EYA4: variants seen among roughly 807,000 people sequenced by gnomAD.
EYA4 encodes the protein EYA transcriptional coactivator and phosphatase 4.
EYA4 carries 31 observed loss-of-function variants against 87.9 expected under a neutral mutation model. The observed-to-expected ratio is 0.35, with a 90% CI of 0.27 to 0.48. The LOEUF (loss-of-function observed/expected upper bound fraction) is 0.48. Among genes scored for constraint, EYA4 ranks in the 20% least tolerant of loss-of-function variants. EYA4 has a pLI of 0.99. For synonymous variants in EYA4, 263 were observed against 270.6 expected (o/e 0.97, Z 0.28); for missense variants, 678 against 761.4 (o/e 0.89, Z 1.29).
At position 133,464,888 on chromosome 6, in the gene EYA4, T is replaced by TA. The variant is rs765346185; in HGVS notation, c.804+31dup. 8 of 1,473,242 alleles carry TA rather than the reference T, an allele frequency of 5.4e-6. No individual in the cohort carries two copies. In the Admixed American group the frequency reaches 1.2e-4, roughly 22 times the overall value. 91.3% of individuals were successfully genotyped at this position (1,473,242 alleles called of 1,614,324 possible). A position where few individuals can be genotyped will look rare whatever the true frequency, so the allele number is the denominator to read the frequency against. On this transcript the variant is annotated intron_variant, in intron 10 of 19. Coordinates refer to ENST00000355286, the MANE Select transcript of EYA4 (RefSeq NM_004100.5). ...AGTAGCTTTTTGTGTTTATGCTTTT[T>TA]ATATGTATTTCAGATTTTTGAAGAG...
At chr6:133,390,656 T>C (rs1401314781) in intron 3 of EYA4, among the ~76,000 whole-genome samples, 1 of 152,220 alleles carries the variant, frequency 6.6e-6, no homozygotes, top group Non-Finnish European at 1.5e-5. Flanking sequence ...ATATACCAGT[T>C]ACATAGGTAA....
At chr6:133,305,364 G>A (rs1005579122) in intron 2 of EYA4, among the ~76,000 whole-genome samples, 1 of 152,164 alleles carries the variant, frequency 6.6e-6, no homozygotes, top group African/African-American at 2.4e-5. Flanking sequence ...AGCCTAGCTA[G>A]GGCAAGGGCA....
At chr6:133,522,958 A>G in intron 17 of EYA4, 98 bp from the exon 18 acceptor site, 1 of 1,029,468 alleles carries the variant, frequency 9.7e-7, no homozygotes, top group Non-Finnish European at 1.5e-6. Context: ...GAAAGGGACC[A>G]TTAATTAAGG....
intron 2 of EYA4, among the ~76,000 whole-genome samples, chr6:133,356,082 A>G (rs1290208130): frequency 6.7e-6 from 1 of 149,900 alleles, no homozygotes; most frequent in Non-Finnish European, 1.5e-5. Flanking sequence ...AGAGAGAGAA[A>G]AGAGTGTGCT....
intron 2 of EYA4, among the ~76,000 whole-genome samples, chr6:133,278,526 C>A (rs1453987931): frequency 1.3e-5 from 2 of 152,056 alleles, no homozygotes; most frequent in African/African-American, 4.8e-5. Context: ...TCTTCAAAAG[C>A]CTTTATATAC....
intron 2 of EYA4, among the ~76,000 whole-genome samples, chr6:133,283,723 G>C (rs141075829): frequency 2.1e-3 from 315 of 152,160 alleles, no homozygotes; most frequent in African/African-American, 7.2e-3. Flanking sequence ...GTTTTGTTAC[G>C]TGGATATATT....
chr6:133,451,201 A>T (rs1005208993), intron 5 of EYA4, among the ~76,000 whole-genome samples: 2 of 152,206 alleles, frequency 1.3e-5, no homozygotes, highest in African/African-American at 2.4e-5. Context: ...ATGAACACTG[A>T]AATTTGAATT....
chr6:133,415,400 T>C (rs1255931946), intron 3 of EYA4, among the ~76,000 whole-genome samples: 1 of 152,172 alleles, frequency 6.6e-6, no homozygotes, highest in Non-Finnish European at 1.5e-5. Flanking sequence ...TATCTTTGGC[T>C]CCACTTCCTC....
At chr6:133,297,406 TCTTCTTTTCCTCCTC>T (rs1779024865) in intron 2 of EYA4, among the ~76,000 whole-genome samples, 1 of 152,220 alleles carries the variant, frequency 6.6e-6, no homozygotes, top group African/African-American at 2.4e-5. Flanking sequence ...AACAGTGTTT[TCTTCTTTTCCTCCTC>T]CCTCTGAGCC....
chr6:133,269,797 A>G (rs1776536306), intron 1 of EYA4, among the ~76,000 whole-genome samples: 1 of 152,014 alleles, frequency 6.6e-6, no homozygotes, highest in Non-Finnish European at 1.5e-5. Context: ...AATAGGATAT[A>G]TATATATATG....
At chr6:133,331,254 A>G (rs1781938228) in intron 2 of EYA4, among the ~76,000 whole-genome samples, 1 of 152,112 alleles carries the variant, frequency 6.6e-6, no homozygotes, top group African/African-American at 2.4e-5. Flanking sequence ...TCTCTAATGG[A>G]CTTTTAAAAA....
At chr6:133,271,618 A>G (rs1480530193) in intron 1 of EYA4, among the ~76,000 whole-genome samples, 1 of 152,172 alleles carries the variant, frequency 6.6e-6, no homozygotes. Flanking sequence ...ATGGTGCCAC[A>G]TCGAGGGCTC....
chr6:133,446,029 G>A (rs1041480424), intron 3 of EYA4, among the ~76,000 whole-genome samples: 1 of 152,142 alleles, frequency 6.6e-6, no homozygotes, highest in African/African-American at 2.4e-5. Context: ...GTCAGGACTT[G>A]GGCTCATTTT....
chr6:133,313,578 T>TA (rs1368287733), intron 2 of EYA4, among the ~76,000 whole-genome samples: 1 of 152,174 alleles, frequency 6.6e-6, no homozygotes. Flanking sequence ...CTGTGCGAGG[T>TA]TAGTTGTTGC....
At chr6:133,436,710 C>G (rs1269541055) in intron 3 of EYA4, among the ~76,000 whole-genome samples, 1 of 152,114 alleles carries the variant, frequency 6.6e-6, no homozygotes, top group Admixed American at 6.5e-5. Context: ...TTGGTGGACT[C>G]TTGAGAATGT....
intron 3 of EYA4, among the ~76,000 whole-genome samples, chr6:133,405,233 G>A (rs2128523678): frequency 6.6e-6 from 1 of 152,106 alleles, no homozygotes; most frequent in South Asian, 2.1e-4. Flanking sequence ...AAGGATCTTA[G>A]CCATCTCCTG....
At chr6:133,389,445 C>G (rs1367773670) in intron 3 of EYA4, among the ~76,000 whole-genome samples, 1 of 152,222 alleles carries the variant, frequency 6.6e-6, no homozygotes, top group Non-Finnish European at 1.5e-5. Flanking sequence ...GAGTTCATAT[C>G]TGCCTTTGTT....
chr6:133,353,954 A>G (rs1025004604), intron 2 of EYA4, among the ~76,000 whole-genome samples: 13 of 152,190 alleles, frequency 8.5e-5, no homozygotes, highest in African/African-American at 3.1e-4. Flanking sequence ...TTGTTGATGG[A>G]AATTCAGATA....
At chr6:133,464,334 G>T (rs1226969459) in intron 9 of EYA4, among the ~76,000 whole-genome samples, 2 of 152,138 alleles carry the variant, frequency 1.3e-5, no homozygotes, top group Non-Finnish European at 2.9e-5. Context: ...ACAAGGAGTT[G>T]CTAAATGGGG....
Sources: allele counts gnomAD v4.1 joint callset (sites outside exome capture counted in the v4.1 genomes callset), GRCh38; gene constraint gnomAD v4.1.1; transcripts MANE v1.5; gene names NCBI Gene and HGNC (gene_info 2026-07-23, HGNC 2026-07-21).